Variants in OR9Q1 observed in about 807,000 individuals in gnomAD.
OR9Q1 encodes the protein olfactory receptor family 9 subfamily Q member 1, also known as olfactory receptor 9Q1.
For missense variants in OR9Q1, 374 were observed against 378.8 expected, an observed-to-expected ratio of 0.99 and a Z score of 0.11; for synonymous variants, 153 against 148.6, an observed-to-expected ratio of 1.03 and a Z score of -0.22.
chr11:58,137,066 C>T (rs1854196156), intron 2 of OR9Q1, among the ~76,000 whole-genome samples: 1 of 152,180 alleles, frequency 6.6e-6, no homozygotes, highest in South Asian at 2.1e-4. Flanking sequence ...TGGGCTAATG[C>T]AGAGAGGGCT....
chr11:58,140,567 T>C (rs1431009734), intron 2 of OR9Q1, among the ~76,000 whole-genome samples: 1 of 152,230 alleles, frequency 6.6e-6, no homozygotes, highest in East Asian at 1.9e-4. Context: ...TGCTTGTTTT[T>C]GTCAGGTTTG....
intron 2 of OR9Q1, among the ~76,000 whole-genome samples, chr11:58,170,015 G>A (rs1045390904): frequency 6.6e-6 from 1 of 152,016 alleles, no homozygotes; most frequent in Admixed American, 6.6e-5. Context: ...TAATATGGAG[G>A]TGTCAGGATT....
chr11:58,078,810 G>T (rs546466940), intron 2 of OR9Q1, among the ~76,000 whole-genome samples: 1 of 152,296 alleles, frequency 6.6e-6, no homozygotes, highest in Admixed American at 6.5e-5. Context: ...GAATGGAGCT[G>T]ATATGGAGCA....
intron 2 of OR9Q1, among the ~76,000 whole-genome samples, chr11:58,065,251 A>T (rs1853417856): frequency 6.6e-6 from 1 of 152,218 alleles, no homozygotes; most frequent in Non-Finnish European, 1.5e-5. Context: ...GGTGACACAG[A>T]CACATAGAGA....
At chr11:58,030,980 C>T (rs772612832) in intron 1 of OR9Q1, 1 of 1,613,992 alleles carries the variant, frequency 6.2e-7, no homozygotes, top group Non-Finnish European at 8.5e-7. Flanking sequence ...AAACTGGACC[C>T]AGGTAACTGA....
intron 1 of OR9Q1, among the ~76,000 whole-genome samples, chr11:58,036,720 A>T (rs1853103992): frequency 6.6e-6 from 1 of 152,202 alleles, no homozygotes; most frequent in South Asian, 2.1e-4. Flanking sequence ...GATGTGGTGG[A>T]AACATCAAGA....
chr11:58,109,466 G>C (rs771610676), intron 2 of OR9Q1: 6 of 463,328 alleles, frequency 1.3e-5, no homozygotes, highest in African/African-American at 4.0e-5. Flanking sequence ...AGGAAAGCAA[G>C]GTGGCTCAGG....
intron 2 of OR9Q1, among the ~76,000 whole-genome samples, chr11:58,136,607 T>G (rs1443114969): frequency 6.6e-6 from 1 of 152,148 alleles, no homozygotes; most frequent in Non-Finnish European, 1.5e-5. Context: ...TCATAACCAG[T>G]CTACGAATTT....
chr11:58,043,092 A>C (rs1565058191), intron 1 of OR9Q1, among the ~76,000 whole-genome samples: 1 of 152,142 alleles, frequency 6.6e-6, no homozygotes, highest in East Asian at 1.9e-4. Context: ...TCGTCTGCAA[A>C]TAGGGACAAT....
chr11:58,164,888 C>G (rs1854487249), intron 2 of OR9Q1, among the ~76,000 whole-genome samples: 1 of 152,212 alleles, frequency 6.6e-6, no homozygotes, highest in African/African-American at 2.4e-5. Flanking sequence ...GCTGTTCCCT[C>G]TGCTAGCATG....
chr11:58,133,726 T>C (rs757037909), intron 2 of OR9Q1, among the ~76,000 whole-genome samples: 2 of 152,188 alleles, frequency 1.3e-5, no homozygotes, highest in Non-Finnish European at 2.9e-5. Context: ...GCAACTCTTA[T>C]TGAATTTCTA....
intron 2 of OR9Q1, chr11:58,118,522 A>G (rs768143218): frequency 1.2e-6 from 2 of 1,605,516 alleles, no homozygotes; most frequent in Middle Eastern, 1.7e-4. Context: ...GGACACCTGG[A>G]GTCTCCTAGC....
At chr11:58,147,339 A>T (rs1854308483) in intron 2 of OR9Q1, among the ~76,000 whole-genome samples, 1 of 152,130 alleles carries the variant, frequency 6.6e-6, no homozygotes, top group South Asian at 2.1e-4. Context: ...ATGATCATCA[A>T]CTACTCCTTC....
At chr11:58,062,279 C>CA (rs1208459136) in intron 2 of OR9Q1, among the ~76,000 whole-genome samples, 1 of 152,196 alleles carries the variant, frequency 6.6e-6, no homozygotes, top group Non-Finnish European at 1.5e-5. Flanking sequence ...CCTGCCTAGA[C>CA]AAACAGAGTT....
chr11:58,150,666 C>T (rs1024186767), intron 2 of OR9Q1, among the ~76,000 whole-genome samples: 1 of 152,144 alleles, frequency 6.6e-6, no homozygotes, highest in Non-Finnish European at 1.5e-5. Flanking sequence ...TGTAAACAAA[C>T]CTACTGTACT....
intron 2 of OR9Q1, among the ~76,000 whole-genome samples, chr11:58,137,274 TG>T (rs1854198075): frequency 6.6e-6 from 1 of 152,212 alleles, no homozygotes; most frequent in Non-Finnish European, 1.5e-5. Flanking sequence ...AACGAGGAGC[TG>T]GAAGCAAGGT....
intron 1 of OR9Q1, among the ~76,000 whole-genome samples, chr11:58,038,783 TC>T (rs1007284755): frequency 6.6e-6 from 1 of 152,210 alleles, no homozygotes; most frequent in African/African-American, 2.4e-5. Flanking sequence ...TCCATGTTTT[TC>T]TTGTCCCTTG....
intron 2 of OR9Q1, among the ~76,000 whole-genome samples, chr11:58,175,726 G>A (rs1565097368): frequency 1.3e-5 from 2 of 151,780 alleles, no homozygotes; most frequent in Admixed American, 6.6e-5. Flanking sequence ...TTAGCACAGC[G>A]ACGAGTCAAT....
chr11:58,088,115 A>G (rs567220033), intron 2 of OR9Q1, among the ~76,000 whole-genome samples: 2 of 151,974 alleles, frequency 1.3e-5, no homozygotes, highest in Admixed American at 1.3e-4. Flanking sequence ...TGCTGGGAGT[A>G]CAGGCATGAG....
Sources: gnomAD v4.1 joint callset for allele counts (sites outside exome capture counted in the v4.1 genomes callset) on GRCh38, gnomAD v4.1.1 for gene constraint, MANE v1.5 for transcripts, NCBI Gene and HGNC (gene_info 2026-07-23, HGNC 2026-07-21) for gene names.